BRAF: variants seen among roughly 807,000 people sequenced by gnomAD.
BRAF encodes B-Raf proto-oncogene, serine/threonine kinase.
Under a neutral mutation model 104.6 loss-of-function variants are expected in BRAF, and 16 were observed. The observed-to-expected ratio is 0.15, with a 90% CI of 0.10 to 0.23. BRAF has a LOEUF of 0.23. Among genes scored for constraint, BRAF ranks in the 10% least tolerant of loss-of-function variants. BRAF has a pLI of 1.00. For missense variants in BRAF, 541 were observed against 937.3 expected (o/e 0.58, Z 5.52); for synonymous variants, 310 against 341.6 (o/e 0.91, Z 1.02).
At chr7:140,904,425 T>C (rs1031874503) in intron 1 of BRAF, among the ~76,000 whole-genome samples, 1 of 151,756 alleles carries the variant, frequency 6.6e-6, no homozygotes, top group Non-Finnish European at 1.5e-5. Flanking sequence ...TCATAGGTGG[T>C]AGGTATTTCT....
intron 18 of BRAF, among the ~76,000 whole-genome samples, chr7:140,735,928 G>A (rs1796377651): frequency 6.6e-6 from 1 of 152,052 alleles, no homozygotes; most frequent in Non-Finnish European, 1.5e-5. Flanking sequence ...AGACAAAGAA[G>A]TAAGCAGTTG....
At chr7:140,747,714 T>C (rs536056472) in intron 17 of BRAF, among the ~76,000 whole-genome samples, 3 of 152,300 alleles carry the variant, frequency 2.0e-5, no homozygotes, top group East Asian at 1.9e-4. Context: ...CAGGCTGTTA[T>C]GCTGTATGAT....
At chr7:140,813,135 A>G (rs145135530) in intron 3 of BRAF, among the ~76,000 whole-genome samples, 243 of 152,332 alleles carry the variant, frequency 1.6e-3, no homozygotes, top group African/African-American at 5.5e-3. Context: ...GGTGAAAAAT[A>G]TATTTGCAAC....
chr7:140,897,303 C>A (rs1044643036), intron 1 of BRAF, among the ~76,000 whole-genome samples: 1 of 151,912 alleles, frequency 6.6e-6, no homozygotes. Flanking sequence ...GGTTGCTTTA[C>A]AAATAAGTGA....
chr7:140,900,392 A>G (rs1328538103), intron 1 of BRAF, among the ~76,000 whole-genome samples: 2 of 152,154 alleles, frequency 1.3e-5, no homozygotes, highest in African/African-American at 4.8e-5. Context: ...TCTTTAACCT[A>G]CAAGAAATTG....
At chr7:140,733,174 A>G (rs1408038363) in intron 19 of BRAF, 4 of 152,200 alleles carry the variant, frequency 2.6e-5, no homozygotes, top group African/African-American at 9.6e-5. Flanking sequence ...TTCCTGGATG[A>G]CATCTAAGTA....
In BRAF at chr7:140,724,820, C is replaced by A; in HGVS notation, c.*1674G>T. 3.9e-6 allele frequency: 4 copies of A among 1,037,386 alleles called. No individual in the cohort carries two copies. The highest frequency in any genetic ancestry group is 4.6e-6 in the Non-Finnish European group (4 of 861,582). 64.3% of individuals were successfully genotyped at this position (1,037,386 alleles called of 1,614,324 possible). Reference sequence around the variant, plus strand: ...TGATTTGTGTTCCTAAATTCTGAGTCTAGATTCCTGATAAGGGAGGTTTTC... The same window carrying A: ...TGATTTGTGTTCCTAAATTCTGAGTATAGATTCCTGATAAGGGAGGTTTTC... On this transcript the variant is annotated 3_prime_UTR_variant, in exon 20 of 20. Coordinates refer to ENST00000644969, the MANE Select transcript of BRAF (RefSeq NM_001374258.1).
intron 3 of BRAF, among the ~76,000 whole-genome samples, chr7:140,817,685 C>T (rs1029765270): frequency 1.3e-5 from 2 of 152,164 alleles, no homozygotes; most frequent in Admixed American, 6.5e-5. Flanking sequence ...CAAGAACATA[C>T]ACTGGGGAAA....
chr7:140,732,168 CTCAAAAAAAAAAAA>C (rs2130856650), intron 19 of BRAF: 1 of 11,554 alleles, frequency 8.7e-5, no homozygotes, highest in South Asian at 5.5e-3. Flanking sequence ...GAGACTCTGT[CTCAAAAAAAAAAAA>C]AAAAAAAAAA....
intron 3 of BRAF, among the ~76,000 whole-genome samples, chr7:140,829,481 G>T (rs1281856460): frequency 1.3e-5 from 2 of 151,108 alleles, no homozygotes; most frequent in Non-Finnish European, 2.9e-5. Flanking sequence ...TCTTCTTACT[G>T]ATTGAACCAT....
intron 3 of BRAF, among the ~76,000 whole-genome samples, chr7:140,830,027 T>A (rs976579933): frequency 6.6e-6 from 1 of 152,230 alleles, no homozygotes; most frequent in Non-Finnish European, 1.5e-5. Flanking sequence ...AAAATACTTA[T>A]TAACTCTAGC....
At chr7:140,913,111 G>T (rs915972619) in intron 1 of BRAF, among the ~76,000 whole-genome samples, 4 of 152,012 alleles carry the variant, frequency 2.6e-5, no homozygotes, top group African/African-American at 9.7e-5. Flanking sequence ...GGCCTACCCT[G>T]ACCTCCCTAT....
chr7:140,795,805 A>G (rs528378827), intron 7 of BRAF, among the ~76,000 whole-genome samples: 1 of 152,334 alleles, frequency 6.6e-6, no homozygotes, highest in East Asian at 1.9e-4. Flanking sequence ...TATCGGCTCA[A>G]TGAGAATTAT....
At chr7:140,860,325 G>A (rs1163031861) in intron 1 of BRAF, among the ~76,000 whole-genome samples, 1 of 151,962 alleles carries the variant, frequency 6.6e-6, no homozygotes, top group East Asian at 1.9e-4. Flanking sequence ...GTTCACTATA[G>A]GGAATTCGAA....
At chr7:140,763,080 A>G (rs1262295478) in intron 14 of BRAF, among the ~76,000 whole-genome samples, 1 of 152,192 alleles carries the variant, frequency 6.6e-6, no homozygotes, top group Non-Finnish European at 1.5e-5. Context: ...TATTCCACAA[A>G]ACCGCCATTG....
At position 140,722,639 on chromosome 7, in the gene BRAF, G is replaced by A. The variant is rs1417495888; in HGVS notation, c.*3855C>T. The A allele has an allele frequency of 1.9e-6, 2 of 1,053,486 alleles. No individual in the cohort carries two copies. Among genetic ancestry groups the A allele is most frequent in the Non-Finnish European group, 2.3e-6 (2 of 871,976 alleles). 65.3% of individuals were successfully genotyped at this position (1,053,486 alleles called of 1,614,324 possible). A position where few individuals can be genotyped will look rare whatever the true frequency, so the allele number is the denominator to read the frequency against. ...TAACAATGCCAACTTGGACAAAGAA[G>A]AGAATCTTGCAAAAAGAGTAATCAT... On this transcript the variant is annotated 3_prime_UTR_variant, in exon 20 of 20. Coordinates refer to ENST00000644969, the MANE Select transcript of BRAF (RefSeq NM_001374258.1).
At chr7:140,805,259 TC>T (rs1359150522) in intron 5 of BRAF, among the ~76,000 whole-genome samples, 24 of 152,252 alleles carry the variant, frequency 1.6e-4, no homozygotes, top group African/African-American at 5.8e-4. Context: ...TCACCTTTTT[TC>T]CTATGTATCA....
intron 2 of BRAF, among the ~76,000 whole-genome samples, chr7:140,847,031 T>A (rs1808632492): frequency 6.6e-6 from 1 of 152,072 alleles, no homozygotes; most frequent in Non-Finnish European, 1.5e-5. Context: ...AACGCACACC[T>A]GTAATCCCAG....
intron 1 of BRAF, among the ~76,000 whole-genome samples, chr7:140,853,792 T>C (rs1002451429): frequency 2.6e-5 from 4 of 152,182 alleles, no homozygotes; most frequent in Non-Finnish European, 5.9e-5. Context: ...CCGTAGCATA[T>C]GTGACCACCT....
Sources: allele counts gnomAD v4.1 joint callset (sites outside exome capture counted in the v4.1 genomes callset), GRCh38; gene constraint gnomAD v4.1.1; transcripts MANE v1.5; gene names NCBI Gene and HGNC (gene_info 2026-07-23, HGNC 2026-07-21).